DAG1: variants seen among roughly 807,000 people sequenced by gnomAD.
DAG1 encodes the protein dystroglycan 1, also known as dystroglycan 1 (dystrophin-associated glycoprotein 1).
DAG1 carries 8 observed loss-of-function variants against 46.1 expected under a neutral mutation model. That is an observed-to-expected ratio of 0.17 (90% CI 0.10 to 0.31). The LOEUF is 0.31. Ranked by LOEUF, DAG1 falls within the 10% of genes least tolerant of loss-of-function variation. The probability of loss-of-function intolerance (pLI) is 1.00; values close to 1 mark genes in which losing one functional copy is unlikely to be tolerated. For missense variants in DAG1, 1,003 were observed against 1,189.9 expected, an observed-to-expected ratio of 0.84 and a Z score of 2.31; for synonymous variants, 495 against 481.8, an observed-to-expected ratio of 1.03 and a Z score of -0.36.
intron 1 of DAG1, among the ~76,000 whole-genome samples, chr3:49,477,930 C>G (rs1489604400): frequency 6.7e-6 from 1 of 149,372 alleles, no homozygotes; most frequent in East Asian, 2.0e-4. Context: ...CCATCACACT[C>G]CAGCCTGGGC....
intron 2 of DAG1, among the ~76,000 whole-genome samples, chr3:49,529,275 A>G (rs187560209): frequency 2.0e-5 from 3 of 152,182 alleles, no homozygotes; most frequent in South Asian, 2.1e-4. Flanking sequence ...GCCTCAAGCA[A>G]TCCTCCCGCC....
In DAG1 at chr3:49,510,374, C is replaced by G. The variant is rs950761138; in HGVS notation, c.-116-45C>G. 7 of 708,766 alleles carry G rather than the reference C, an allele frequency of 9.9e-6. No homozygotes were observed. In the East Asian group the frequency reaches 1.8e-4, roughly 19 times the overall value. 43.9% of individuals were successfully genotyped at this position (708,766 alleles called of 1,614,324 possible). On this transcript the variant is annotated intron_variant, in intron 1 of 2. Transcript: ENST00000308775. ...CCTGGAGGATAGTATGTGACTGAAC[C>G]ACTGGAATTGCTCAAGTCTAAACCT...
chr3:49,527,633 G>A (rs905208461), intron 2 of DAG1, among the ~76,000 whole-genome samples: 4 of 152,100 alleles, frequency 2.6e-5, no homozygotes, highest in Non-Finnish European at 5.9e-5. Context: ...ATCCCGGGAG[G>A]CGGAGCTTGC....
At chr3:49,503,836 A>AG (rs990803872) in intron 1 of DAG1, among the ~76,000 whole-genome samples, 2 of 151,986 alleles carry the variant, frequency 1.3e-5, no homozygotes, top group African/African-American at 4.8e-5. Context: ...TCAAAAAAAA[A>AG]AAAAGAAAAA....
intron 1 of DAG1, among the ~76,000 whole-genome samples, chr3:49,508,838 C>CA (rs2050684411): frequency 1.3e-5 from 2 of 152,296 alleles, no homozygotes; most frequent in South Asian, 4.1e-4. Context: ...CGCCAGGCCT[C>CA]AAAGCATTTT....
intron 1 of DAG1, among the ~76,000 whole-genome samples, chr3:49,476,668 A>G (rs554787379): frequency 6.6e-6 from 1 of 152,266 alleles, no homozygotes; most frequent in African/African-American, 2.4e-5. Context: ...TTGGTTCTGG[A>G]TTGACTGTAC....
chr3:49,494,737 C>T (rs572592173), intron 1 of DAG1, among the ~76,000 whole-genome samples: 33 of 151,740 alleles, frequency 2.2e-4, no homozygotes, highest in South Asian at 1.2e-3. Flanking sequence ...CAGGTTCAAA[C>T]GATTCTCCTG....
chr3:49,520,144 G>T (rs745537930), intron 2 of DAG1, among the ~76,000 whole-genome samples: 2 of 152,206 alleles, frequency 1.3e-5, no homozygotes, highest in Non-Finnish European at 2.9e-5. Context: ...ACAAAGGCCT[G>T]GCCCTCTGAC....
intron 2 of DAG1, among the ~76,000 whole-genome samples, chr3:49,516,325 T>C (rs1433811189): frequency 6.6e-6 from 1 of 152,206 alleles, no homozygotes; most frequent in East Asian, 1.9e-4. Flanking sequence ...CAAACCTGTT[T>C]TGGATTGTCA....
intron 2 of DAG1, among the ~76,000 whole-genome samples, chr3:49,525,644 G>GC (rs1485789171): frequency 6.6e-6 from 1 of 150,628 alleles, no homozygotes; most frequent in Non-Finnish European, 1.5e-5. Context: ...TGCAGGCTCC[G>GC]CCCCCCGGGT....
chr3:49,489,912 G>A (rs996685744), intron 1 of DAG1, among the ~76,000 whole-genome samples: 2 of 152,030 alleles, frequency 1.3e-5, no homozygotes, highest in African/African-American at 4.8e-5. Flanking sequence ...AGTGGGGTGG[G>A]GTAGGGGGAG....
At chr3:49,504,751 C>T (rs1295041927) in intron 1 of DAG1, among the ~76,000 whole-genome samples, 15 of 144,466 alleles carry the variant, frequency 1.0e-4, no homozygotes, top group South Asian at 2.3e-4. Context: ...CCCGCTACCA[C>T]GCCCAGCTAA....
chr3:49,514,805 ATGTG>A (rs138689783), intron 2 of DAG1, among the ~76,000 whole-genome samples: 2,320 of 145,340 alleles, frequency 0.016, 38 homozygotes, highest in African/African-American at 0.044. Context: ...CTCCTGGCAT[ATGTG>A]TGTGTGTGTG....
intron 2 of DAG1, among the ~76,000 whole-genome samples, chr3:49,526,703 T>G (rs2051181221): frequency 6.6e-6 from 1 of 152,016 alleles, no homozygotes; most frequent in African/African-American, 2.4e-5. Flanking sequence ...GGTGACAGAG[T>G]GAGACTCTGT....
chr3:49,479,619 A>G (rs1265871079), intron 1 of DAG1, among the ~76,000 whole-genome samples: 1 of 135,458 alleles, frequency 7.4e-6, no homozygotes, highest in Non-Finnish European at 1.5e-5. Flanking sequence ...CGGCCTGAAT[A>G]TAACATTTCT....
At chr3:49,489,402 T>C (rs2050123737) in intron 1 of DAG1, among the ~76,000 whole-genome samples, 1 of 152,162 alleles carries the variant, frequency 6.6e-6, no homozygotes, top group Non-Finnish European at 1.5e-5. Flanking sequence ...CTTGAATTAC[T>C]TTTATTGCAT....
At position 49,528,275 on chromosome 3, in the gene DAG1, A is replaced by ATTTTTTTTTTTTT. The variant is rs147292984; in HGVS notation, c.286-2507_286-2495dup. ...CAGCCAAAACATTTGAAATAGTGTG[A>ATTTTTTTTTTTTT]TTTTTTTTTTTTTTTTTTTTTTTTT... On this transcript the variant is annotated intron_variant, in intron 2 of 2. Coordinates refer to ENST00000308775, the MANE Select transcript of DAG1 (RefSeq NM_004393.6). Among the ~76,000 whole-genome samples the ATTTTTTTTTTTTT allele has an allele frequency of 5.0e-3, 332 of 66,622 alleles. 60 individuals carry two copies. The highest frequency in any genetic ancestry group is 0.016 in the African/African-American group (238 of 14,512). The allele number at this position is 66,622 out of a possible 152,430, so 43.7% of individuals were successfully genotyped here.
At chr3:49,517,717 T>G (rs998698510) in intron 2 of DAG1, among the ~76,000 whole-genome samples, 7 of 152,258 alleles carry the variant, frequency 4.6e-5, no homozygotes, top group Admixed American at 2.6e-4. Flanking sequence ...AAGGAGAGTC[T>G]GAGTGAAAGG....
chr3:49,495,928 CAAAAACAAAAACAA>C (rs2050299061), intron 1 of DAG1, among the ~76,000 whole-genome samples: 1 of 150,286 alleles, frequency 6.7e-6, no homozygotes, highest in African/African-American at 2.4e-5. Context: ...CTCAAAAAAA[CAAAAACAAAAACAA>C]AAAAACAGAA....
Sources: allele counts gnomAD v4.1 joint callset (sites outside exome capture counted in the v4.1 genomes callset), GRCh38; gene constraint gnomAD v4.1.1; transcripts MANE v1.5; gene names NCBI Gene and HGNC (gene_info 2026-07-23, HGNC 2026-07-21).